Variants in GREB1 observed in about 807,000 individuals in gnomAD.
The protein encoded by GREB1 is growth regulating estrogen receptor binding 1.
In GREB1, 106 loss-of-function variants were observed where a neutral mutation model predicts 200.7. The ratio of observed to expected loss-of-function variants is 0.53; its 90% CI spans 0.45 to 0.62. The LOEUF (loss-of-function observed/expected upper bound fraction) is 0.62. GREB1 is among the 20% of genes least tolerant of loss of function. GREB1 has a pLI of 0.00. For missense variants in GREB1, 2,243 were observed against 2,556.8 expected, an observed-to-expected ratio of 0.88 and a Z score of 2.65; for synonymous variants, 1,132 against 1,092.4, an observed-to-expected ratio of 1.04 and a Z score of -0.72.
intron 1 of GREB1, among the ~76,000 whole-genome samples, chr2:11,491,780 G>A (rs1252056019): frequency 1.3e-5 from 2 of 152,166 alleles, no homozygotes; most frequent in Non-Finnish European, 2.9e-5. Flanking sequence ...TAACCTTCTA[G>A]TTCCAGGCCC....
chr2:11,581,153 T>C, intron 7 of GREB1: 1 of 586,214 alleles, frequency 1.7e-6, no homozygotes, highest in Non-Finnish European at 3.0e-6. Flanking sequence ...CAGTGTGTTG[T>C]TGGGGAAGAA....
At chr2:11,513,141 G>A (rs534920983) in intron 1 of GREB1, among the ~76,000 whole-genome samples, 1 of 152,280 alleles carries the variant, frequency 6.6e-6, no homozygotes, top group Non-Finnish European at 1.5e-5. Flanking sequence ...TATGTAAGCA[G>A]GTCTGCTACG....
rs199667963 is a variant in GREB1 at position 11,615,129 on chromosome 2, C to A, written c.3161C>A (p.Ser1054Tyr). The A allele has an allele frequency of 3.7e-6, 6 of 1,614,178 alleles. No homozygotes were observed. Among genetic ancestry groups the A allele is most frequent in the Non-Finnish European group, 5.1e-6 (6 of 1,180,002 alleles). The change falls in exon 20 of 33, where the codon TCC becomes TAC. Residue 1054 changes from serine to tyrosine, a missense_variant. Physicochemically the swap from Ser to Tyr is moderately radical, Grantham distance 144. Around this residue, in one of 3 missense-constraint regions of GREB1, gnomAD observed 1,178 missense variants for 1,387.4 expected, o/e 0.85. Transcript: ENST00000381486. Reference protein sequence around the residue: ...RYCDLRLINSSCLVRTALEQE... With the variant: ...RYCDLRLINSYCLVRTALEQE... Reference sequence around the variant, plus strand: ...TGTGACCTGCGATTGATAAACTCCTCCTGCTTGGTGAGAACAGCCTTGGAG... The same window carrying A: ...TGTGACCTGCGATTGATAAACTCCTACTGCTTGGTGAGAACAGCCTTGGAG...
chr2:11,530,002 TGAAATA>T (rs1490347460), upstream of GREB1, among the ~76,000 whole-genome samples: 1 of 152,230 alleles, frequency 6.6e-6, no homozygotes, highest in Non-Finnish European at 1.5e-5. Context: ...CCAGAGGTAC[TGAAATA>T]GAATCTGCAT....
At chr2:11,634,875 C>T (rs1019376378) in intron 29 of GREB1, among the ~76,000 whole-genome samples, 5 of 152,100 alleles carry the variant, frequency 3.3e-5, no homozygotes, top group Non-Finnish European at 7.4e-5. Context: ...ACCTCCAAGC[C>T]CTATTCTTCT....
chr2:11,514,096 C>T (rs1371891227), intron 1 of GREB1, among the ~76,000 whole-genome samples: 2 of 152,120 alleles, frequency 1.3e-5, no homozygotes, highest in Non-Finnish European at 1.5e-5. Context: ...GAGACTGGAC[C>T]AGATGGGATA....
intron 7 of GREB1, chr2:11,581,277 T>C (rs1267429056): frequency 6.0e-6 from 3 of 503,124 alleles, no homozygotes; most frequent in Non-Finnish European, 7.0e-6. Flanking sequence ...ATGAGAATTC[T>C]GCTCCAAGGG....
Position 11,526,853 on chromosome 2 carries a change from C to T in GREB1, c.-158-29604C>T, listed in dbSNP as rs193154729. ...GATTATAGGCATGAGCCACCGCTCCCGGCTTCAATCCTTTTAACTGATTCT... is the reference window on the plus strand; with the variant it reads ...GATTATAGGCATGAGCCACCGCTCCTGGCTTCAATCCTTTTAACTGATTCT... On this transcript the variant is annotated intron_variant, in intron 1 of 2. Coordinates refer to the GREB1 transcript ENST00000628795. Among the ~76,000 whole-genome samples the T allele has an allele frequency of 3.3e-4, 51 of 152,264 alleles. No individual in the cohort carries two copies. In the East Asian group the frequency reaches 8.9e-3, roughly 27 times the overall value.
intron 3 of GREB1, 107 bp downstream of exon 3, chr2:11,562,689 G>GCTCTTCCTC (rs1677198912): frequency 3.1e-6 from 4 of 1,308,740 alleles, no homozygotes; most frequent in Non-Finnish European, 1.0e-6. Flanking sequence ...GGTCCTCTTT[G>GCTCTTCCTC]CTCTTCCTCT....
At chr2:11,551,283 G>C (rs1189381650) in intron 1 of GREB1, among the ~76,000 whole-genome samples, 1 of 152,182 alleles carries the variant, frequency 6.6e-6, no homozygotes, top group Non-Finnish European at 1.5e-5. Flanking sequence ...AGCCCACCAG[G>C]CAACCAGTTG....
chr2:11,575,486 T>G (rs1392067565), intron 4 of GREB1, among the ~76,000 whole-genome samples: 1 of 152,200 alleles, frequency 6.6e-6, no homozygotes, highest in Non-Finnish European at 1.5e-5. Flanking sequence ...GGAAGCCTGC[T>G]TAGAGTCTCA....
intron 6 of GREB1, among the ~76,000 whole-genome samples, chr2:11,579,181 C>T (rs1007733985): frequency 6.6e-6 from 1 of 152,200 alleles, no homozygotes; most frequent in African/African-American, 2.4e-5. Flanking sequence ...CCATCCATCG[C>T]CTGGGCAGGG....
rs988332573 is a variant in GREB1, at chr2:11,585,852, C to T, written c.1106C>T (p.Ser369Phe). The T allele has an allele frequency of 6.2e-7, 1 of 1,613,998 alleles. No homozygotes were observed. The highest frequency in any genetic ancestry group is 8.5e-7 in the Non-Finnish European group (1 of 1,180,026). Residue 369 changes from serine to phenylalanine, a missense_variant, in exon 9 of 33, where the codon TCT (serine) becomes TTT (phenylalanine). Ser to Phe is a radical substitution (Grantham distance 155). Coordinates refer to ENST00000381486, the MANE Select transcript of GREB1 (RefSeq NM_014668.4). ...FPVVASGEPV[S>F]VPDNLLKICK... ...GTGGTGGCCTCTGGAGAACCAGTGTCTGTTCCTGACAACTTGCTGAAAATA... is the reference window on the plus strand; with the variant it reads ...GTGGTGGCCTCTGGAGAACCAGTGTTTGTTCCTGACAACTTGCTGAAAATA...
chr2:11,524,711 T>C (rs921149725), intron 1 of GREB1, among the ~76,000 whole-genome samples: 1 of 152,200 alleles, frequency 6.6e-6, no homozygotes, highest in African/African-American at 2.4e-5. Context: ...TCTTCACTGG[T>C]TGCATGGATG....
At chr2:11,507,403 C>CAA (rs11400364) in intron 1 of GREB1, among the ~76,000 whole-genome samples, 2,580 of 138,622 alleles carry the variant, frequency 0.019, 110 homozygotes, top group African/African-American at 0.046. Context: ...AGCAAGACTC[C>CAA]AAAAAAAAAA....
chr2:11,622,070 C>T (rs1226720932), intron 23 of GREB1, among the ~76,000 whole-genome samples: 1 of 151,970 alleles, frequency 6.6e-6, no homozygotes. Context: ...TTAAATGTGA[C>T]ACACACAGAG....
rs1309687068 is a variant in GREB1 at position 11,618,464 on chromosome 2, A to G, written c.3589A>G (p.Thr1197Ala). The change falls in exon 22 of 33, where the codon ACG (threonine) becomes GCG (alanine). Residue 1197 changes from threonine to alanine, a missense_variant. Thr to Ala is a moderately conservative substitution (Grantham distance 58). This residue lies in a region of GREB1 where 587 missense variants were observed against 553.1 expected (regional missense o/e 1.06). Transcript: ENST00000381486. The part of the protein sequence containing the change: ...SAISRHSPGP[T>A]PQPDCSLRTG... Reference sequence around the variant, plus strand: ...CATCAGCAGGCACAGTCCCGGGCCGACGCCCCAGCCCGACTGTAGCCTCAG... The same window carrying G: ...CATCAGCAGGCACAGTCCCGGGCCGGCGCCCCAGCCCGACTGTAGCCTCAG... 1 of 1,606,112 alleles carries G rather than the reference A, an allele frequency of 6.2e-7. No homozygotes were observed. The highest frequency in any genetic ancestry group is 8.5e-7 in the Non-Finnish European group (1 of 1,177,164).
intron 4 of GREB1, among the ~76,000 whole-genome samples, chr2:11,569,452 G>A (rs1033353061): frequency 2.0e-5 from 3 of 152,130 alleles, no homozygotes; most frequent in African/African-American, 7.2e-5. Context: ...AGGTGCTCCG[G>A]CAATCGGAGG....
rs554621673 is a variant in GREB1, at chr2:11,633,413, A to T, written c.4991+350A>T. Among the ~76,000 whole-genome samples the T allele has an allele frequency of 6.6e-6, 1 of 152,044 alleles. No homozygotes were observed. Among genetic ancestry groups the T allele is most frequent in the South Asian group, 2.1e-4 (1 of 4,814 alleles). On this transcript the variant is annotated intron_variant, in intron 28 of 32. Coordinates refer to ENST00000381486, the MANE Select transcript of GREB1 (RefSeq NM_014668.4). The surrounding 1 kb of genome is among the most constrained non-coding windows in gnomAD (Gnocchi z 4.1). ...CTGTCTCTACTAAAAATACAAAAAA[A>T]TTTAGCTGGGCGTGGTGGCGGGCGC... is the stretch of plus-strand genomic sequence containing the variant.
Sources: gnomAD v4.1 joint callset for allele counts (sites outside exome capture counted in the v4.1 genomes callset) on GRCh38, gnomAD v4.1.1 for gene constraint, gnomAD v4.1.1 regional missense constraint, Gnocchi (gnomAD v3.1) non-coding constraint, MANE v1.5 for transcripts, NCBI Gene and HGNC (gene_info 2026-07-23, HGNC 2026-07-21) for gene names.